Variants in SNAP91 observed in about 807,000 individuals in gnomAD.
SNAP91 encodes synaptosome associated protein 91.
In SNAP91, 27 loss-of-function variants were observed where a neutral mutation model predicts 100.3. That is an observed-to-expected ratio of 0.27 (90% CI 0.20 to 0.37). The LOEUF is 0.37. Among genes scored for constraint, SNAP91 ranks in the 10% least tolerant of loss-of-function variants. The probability of loss-of-function intolerance (pLI) is 1.00; values close to 1 mark genes in which losing one functional copy is unlikely to be tolerated. For missense variants in SNAP91, 986 were observed against 1,123.7 expected (o/e 0.88, Z 1.75); for synonymous variants, 404 against 398.6 (o/e 1.01, Z -0.16).
At position 83,624,803 on chromosome 6, in the gene SNAP91, A is replaced by C. The variant is rs530547578; in HGVS notation, c.766-1461T>G. ...ACCACTGACGTAGAGCACTTGCCTT[A>C]ATCTCTCTGGATCAAATAATGTTTG... On this transcript the variant is annotated intron_variant, in intron 8 of 29. Coordinates refer to ENST00000369694, the MANE Select transcript of SNAP91 (RefSeq NM_001242792.2). Among the ~76,000 whole-genome samples the C allele has an allele frequency of 2.0e-5, 3 of 152,234 alleles. No individual in the cohort carries two copies. The South Asian group carries it at 6.2e-4, about 32-fold the overall frequency.
chr6:83,571,245 C>CA (rs922620649), intron 26 of SNAP91, among the ~76,000 whole-genome samples: 1 of 152,174 alleles, frequency 6.6e-6, no homozygotes, highest in African/African-American at 2.4e-5. Context: ...GCTGGGACTA[C>CA]AGGCATGTGC....
intron 14 of SNAP91, 57 bp from the exon 15 acceptor site, chr6:83,601,656 T>G: frequency 6.4e-7 from 1 of 1,552,174 alleles, no homozygotes; most frequent in Non-Finnish European, 8.9e-7. Flanking sequence ...AGTTGAAACA[T>G]GCAACCATAC....
intron 2 of SNAP91, among the ~76,000 whole-genome samples, chr6:83,669,842 T>C (rs1397789367): frequency 1.3e-5 from 2 of 152,006 alleles, no homozygotes. Context: ...CTTTTTATTG[T>C]AGAGGTGTAT....
chr6:83,657,240 G>A (rs1348715548), intron 6 of SNAP91, among the ~76,000 whole-genome samples: 1 of 151,998 alleles, frequency 6.6e-6, no homozygotes, highest in African/African-American at 2.4e-5. Context: ...AGGCTCCAGG[G>A]GCCTGCAATG....
At chr6:83,633,660 A>G (rs1278606984) in intron 8 of SNAP91, among the ~76,000 whole-genome samples, 4 of 151,902 alleles carry the variant, frequency 2.6e-5, no homozygotes, top group Non-Finnish European at 5.9e-5. Context: ...GAAGTGGGGG[A>G]AAGCCGACAG....
intron 16 of SNAP91, among the ~76,000 whole-genome samples, chr6:83,595,760 C>T (rs1166010169): frequency 2.0e-5 from 3 of 152,202 alleles, no homozygotes; most frequent in Admixed American, 1.3e-4. Flanking sequence ...ACAGTACATG[C>T]TCTTCCTTGG....
chr6:83,564,039 T>C (rs1032910936), intron 26 of SNAP91, among the ~76,000 whole-genome samples: 10 of 152,074 alleles, frequency 6.6e-5, no homozygotes, highest in Admixed American at 2.0e-4. Flanking sequence ...AGAACCAGGA[T>C]AGCCAAAACA....
intron 2 of SNAP91, among the ~76,000 whole-genome samples, chr6:83,690,882 A>G (rs540156306): frequency 6.6e-6 from 1 of 152,208 alleles, no homozygotes; most frequent in South Asian, 2.1e-4. Context: ...CATTTTAGAT[A>G]AGATATGCAA....
At chr6:83,686,265 GT>G in intron 2 of SNAP91, 1 of 865,116 alleles carries the variant, frequency 1.2e-6, no homozygotes, top group Non-Finnish European at 1.4e-6. Flanking sequence ...ACAGGTAATA[GT>G]TGGTTACTCA....
intron 9 of SNAP91, among the ~76,000 whole-genome samples, chr6:83,618,082 CAG>C (rs2096572305): frequency 6.6e-6 from 1 of 151,778 alleles, no homozygotes; most frequent in Non-Finnish European, 1.5e-5. Flanking sequence ...CCTTTAATGA[CAG>C]AATGAAATTC....
chr6:83,615,210 G>A (rs911448960), intron 10 of SNAP91, among the ~76,000 whole-genome samples: 1 of 152,094 alleles, frequency 6.6e-6, no homozygotes, highest in Non-Finnish European at 1.5e-5. Context: ...AGCTACCCAA[G>A]GAGGCTTCTC....
At chr6:83,557,201 G>A (rs745762033) in intron 28 of SNAP91, among the ~76,000 whole-genome samples, 12 of 152,130 alleles carry the variant, frequency 7.9e-5, no homozygotes, top group Non-Finnish European at 1.5e-4. Context: ...TAGGCTTTGA[G>A]TCTAATTAAT....
At position 83,684,848 on chromosome 6, in the gene SNAP91, A is replaced by AATGTT. The variant is rs374225511; in HGVS notation, c.131-19268_131-19267insAACAT. On this transcript the variant is annotated intron_variant, in intron 2 of 29. Coordinates refer to ENST00000369694, the MANE Select transcript of SNAP91 (RefSeq NM_001242792.2). ...ACAAGAAACCCTAGAACCATGCTGC[A>AATGTT]ATGACTCCACTTTTTCAAAAGAACA... 3.0e-3 allele frequency among the ~76,000 whole-genome samples: 460 copies of AATGTT among 152,310 alleles called. 3 individuals are homozygous for AATGTT. Among genetic ancestry groups the AATGTT allele is most frequent in the African/African-American group, 0.011 (443 of 41,574 alleles).
chr6:83,648,899 AT>A (rs2098078666), intron 7 of SNAP91, among the ~76,000 whole-genome samples: 2 of 152,258 alleles, frequency 1.3e-5, no homozygotes, highest in South Asian at 4.1e-4. Flanking sequence ...TTGTATTTTC[AT>A]TCTTAATGAT....
intron 2 of SNAP91, 44 bp from the exon 3 acceptor site, chr6:83,665,625 T>C: frequency 6.4e-7 from 1 of 1,566,434 alleles, no homozygotes. Flanking sequence ...AACAATTACA[T>C]GCAAAAATTC....
intron 13 of SNAP91, 48 bp downstream of exon 13, chr6:83,607,651 C>A: frequency 5.7e-6 from 7 of 1,233,384 alleles, no homozygotes; most frequent in Non-Finnish European, 6.9e-6. Flanking sequence ...TAAAACCAAA[C>A]TCTAATAAAA....
At chr6:83,631,226 TC>T (rs2097193442) in intron 8 of SNAP91, among the ~76,000 whole-genome samples, 2 of 152,172 alleles carry the variant, frequency 1.3e-5, no homozygotes, top group African/African-American at 4.8e-5. Flanking sequence ...ATTTCAATTT[TC>T]TTAAATTTAT....
upstream of SNAP91, chr6:83,709,201 C>T (rs1337530072): frequency 2.0e-5 from 3 of 152,246 alleles, no homozygotes; most frequent in South Asian, 4.1e-4. Context: ...GCCTCGCGGC[C>T]CCCTCCCAGC....
rs1562308996 is a variant in SNAP91 at position 83,605,734 on chromosome 6, G to A, written c.1092C>T (p.Ala364=). ...PDFSSGGAAA[A]AAPAPPPPAG... ...CAGGTGGTGGTGGTGCTGGTGCTGCGGCTGCTGCTGCCCCTCCAGAGGAAA... is the reference window on the plus strand; with the variant it reads ...CAGGTGGTGGTGGTGCTGGTGCTGCAGCTGCTGCTGCCCCTCCAGAGGAAA... The change falls in exon 14 of 30, where the codon GCC becomes GCT. Residue 364 remains alanine, a synonymous_variant. Coordinates refer to ENST00000369694, the MANE Select transcript of SNAP91 (RefSeq NM_001242792.2). 1.4e-5 allele frequency: 22 copies of A among 1,552,834 alleles called. No homozygotes were observed. The highest frequency in any genetic ancestry group is 8.2e-5 in the African/African-American group (6 of 73,206).
Sources: allele counts gnomAD v4.1 joint callset (sites outside exome capture counted in the v4.1 genomes callset), GRCh38; gene constraint gnomAD v4.1.1; transcripts MANE v1.5; gene names NCBI Gene and HGNC (gene_info 2026-07-23, HGNC 2026-07-21).